The following SCAMP1 variants were observed in gnomAD, a reference collection of about 807,000 sequenced individuals.
SCAMP1 encodes the protein secretory carrier-associated membrane protein 1.
In SCAMP1, 15 loss-of-function variants were observed where a neutral mutation model predicts 41.8. The observed-to-expected ratio is 0.36, with a 90% CI of 0.24 to 0.55. The LOEUF (loss-of-function observed/expected upper bound fraction) is 0.55, where lower values mean the gene tolerates loss of function less well. Among genes scored for constraint, SCAMP1 ranks in the 20% least tolerant of loss-of-function variants. The pLI, the probability that SCAMP1 is intolerant of heterozygous loss-of-function variation, is 0.86. For missense variants in SCAMP1, 341 were observed against 412.6 expected (o/e 0.83, Z 1.50); for synonymous variants, 135 against 136.8 (o/e 0.99, Z 0.09).
intron 6 of SCAMP1, among the ~76,000 whole-genome samples, chr5:78,429,686 A>G (rs530917724): frequency 1.3e-5 from 2 of 152,182 alleles, no homozygotes; most frequent in South Asian, 4.1e-4. Flanking sequence ...AGAGTTCAGT[A>G]GTTTCCATGA....
chr5:78,401,691 C>A (rs1751802832), intron 2 of SCAMP1, among the ~76,000 whole-genome samples: 1 of 152,030 alleles, frequency 6.6e-6, no homozygotes, highest in South Asian at 2.1e-4. Flanking sequence ...TCCTTCATTT[C>A]TGATATTAGT....
At chr5:78,425,820 G>A (rs148556331) in intron 6 of SCAMP1, among the ~76,000 whole-genome samples, 15 of 152,158 alleles carry the variant, frequency 9.9e-5, no homozygotes, top group African/African-American at 3.6e-4. Context: ...GGATACATGC[G>A]CAGAATGTGC....
At position 78,438,192 on chromosome 5, in the gene SCAMP1, G is replaced by GT. The variant is rs539534755; in HGVS notation, c.633-11735dup. ...CCTGGATTCATTGATTTTTTGAAGG[G>GT]TTTTTTATGTCTCTATCTCCTTCAG... On this transcript the variant is annotated intron_variant, in intron 6 of 8. Transcript: ENST00000621999. Among the ~76,000 whole-genome samples, 562 of 152,190 alleles carry GT rather than the reference G, an allele frequency of 3.7e-3. 4 individuals are homozygous for GT. The highest frequency in any genetic ancestry group is 0.013 in the African/African-American group (527 of 41,516).
chr5:78,414,694 T>G (rs1482357779), intron 2 of SCAMP1, among the ~76,000 whole-genome samples: 1 of 152,228 alleles, frequency 6.6e-6, no homozygotes, highest in Non-Finnish European at 1.5e-5. Context: ...TTGATGGACT[T>G]GTAGATGTCT....
intron 4 of SCAMP1, among the ~76,000 whole-genome samples, chr5:78,418,157 C>G (rs1360271184): frequency 3.3e-5 from 5 of 152,016 alleles, no homozygotes; most frequent in African/African-American, 1.2e-4. Flanking sequence ...AATTCTTCAG[C>G]TTCCTTATCA....
chr5:78,460,457 G>A (rs1471638704), intron 8 of SCAMP1, among the ~76,000 whole-genome samples: 4 of 152,128 alleles, frequency 2.6e-5, no homozygotes, highest in Admixed American at 6.5e-5. Context: ...TTTGACTGGT[G>A]TGAGATGGGA....
At chr5:78,461,663 A>G (rs1753617867) in intron 8 of SCAMP1, among the ~76,000 whole-genome samples, 1 of 152,090 alleles carries the variant, frequency 6.6e-6, no homozygotes, top group African/African-American at 2.4e-5. Flanking sequence ...CCCAGGTTCA[A>G]GTGATTCTCA....
chr5:78,446,902 G>A (rs1580702071), intron 6 of SCAMP1, among the ~76,000 whole-genome samples: 1 of 152,124 alleles, frequency 6.6e-6, no homozygotes, highest in East Asian at 1.9e-4. Context: ...TCTAGAGTAG[G>A]GGTCTCCAAC....
At chr5:78,458,121 G>A (rs912650369) in intron 7 of SCAMP1, among the ~76,000 whole-genome samples, 1 of 152,086 alleles carries the variant, frequency 6.6e-6, no homozygotes, top group South Asian at 2.1e-4. Flanking sequence ...TACCTCAGAT[G>A]GAAATGCAGA....
rs566339710 is a variant in SCAMP1 at position 78,440,218 on chromosome 5, G to A, written c.633-9715G>A. ...AGCCTTCTTCTCTCAACTCGTCAAA[G>A]TCATTCTCCGTTCAGCTTTGTTCCC... On this transcript the variant is annotated intron_variant, in intron 6 of 8. Transcript: ENST00000621999. Among the ~76,000 whole-genome samples the A allele has an allele frequency of 2.0e-4, 31 of 152,242 alleles. No individual in the cohort carries two copies. In the South Asian group the frequency reaches 4.1e-3, roughly 20 times the overall value.
At chr5:78,440,500 A>T (rs1301180681) in intron 6 of SCAMP1, among the ~76,000 whole-genome samples, 2 of 152,162 alleles carry the variant, frequency 1.3e-5, no homozygotes, top group Admixed American at 6.5e-5. Flanking sequence ...CCTTGGTATC[A>T]CCAGCGGAGG....
At chr5:78,418,207 A>G (rs1752256272) in intron 4 of SCAMP1, among the ~76,000 whole-genome samples, 1 of 152,032 alleles carries the variant, frequency 6.6e-6, no homozygotes, top group African/African-American at 2.4e-5. Flanking sequence ...GTTTTCGTAC[A>G]TGTATCTTTT....
chr5:78,386,583 C>A (rs979919531), intron 1 of SCAMP1, among the ~76,000 whole-genome samples: 1 of 150,742 alleles, frequency 6.6e-6, no homozygotes, highest in Admixed American at 6.6e-5. Flanking sequence ...TAAGGAGATT[C>A]CATTTTAGTG....
At chr5:78,433,783 G>A (rs911009359) in intron 6 of SCAMP1, among the ~76,000 whole-genome samples, 1 of 152,074 alleles carries the variant, frequency 6.6e-6, no homozygotes, top group Non-Finnish European at 1.5e-5. Flanking sequence ...GGAGTTAGGG[G>A]TGGAGGATAT....
chr5:78,361,469 C>G (rs1017955783), intron 1 of SCAMP1, among the ~76,000 whole-genome samples: 6 of 152,190 alleles, frequency 3.9e-5, no homozygotes, highest in African/African-American at 1.4e-4. Flanking sequence ...AGTGCGTCAC[C>G]GGTTCTCTGG....
intron 8 of SCAMP1, among the ~76,000 whole-genome samples, chr5:78,464,930 G>C (rs1446881668): frequency 6.6e-6 from 1 of 152,140 alleles, no homozygotes; most frequent in East Asian, 1.9e-4. Flanking sequence ...TTGTCAGACT[G>C]TACTGCTCGG....
chr5:78,385,364 G>C (rs1489267122), intron 1 of SCAMP1, among the ~76,000 whole-genome samples: 1 of 151,938 alleles, frequency 6.6e-6, no homozygotes, highest in Admixed American at 6.6e-5. Context: ...ATTGCTAATG[G>C]TCTATCAGTT....
chr5:78,391,993 C>T (rs961716896), intron 2 of SCAMP1, among the ~76,000 whole-genome samples: 5 of 148,518 alleles, frequency 3.4e-5, no homozygotes, highest in African/African-American at 7.4e-5. Context: ...AGAGGGAGAC[C>T]GTGGAAAGAG....
chr5:78,360,713 C>G lies in SCAMP1; in HGVS notation c.42C>G (p.Leu14=). The G allele has an allele frequency of 6.2e-7, 1 of 1,610,140 alleles. No homozygotes were observed. The highest frequency in any genetic ancestry group is 8.5e-7 in the Non-Finnish European group (1 of 1,178,422). The change falls in exon 1 of 9, where the codon CTC becomes CTG. Residue 14 remains leucine (L), a synonymous_variant. Transcript: ENST00000621999. ...FDSNPFADPD[L]NNPFKDPSVT... ...GTAACCCGTTTGCCGACCCGGATCT[C>G]AACAATCCCTTCAAGGTGAGCTTCG... is the stretch of plus-strand genomic sequence containing the variant.
Sources: gnomAD v4.1 joint callset for allele counts (sites outside exome capture counted in the v4.1 genomes callset) on GRCh38, gnomAD v4.1.1 for gene constraint, MANE v1.5 for transcripts, NCBI Gene and HGNC (gene_info 2026-07-23, HGNC 2026-07-21) for gene names.